LRRIQ1: variants seen among roughly 807,000 people sequenced by gnomAD.
LRRIQ1 encodes leucine rich repeats and IQ motif containing 1.
LRRIQ1 carries 210 observed loss-of-function variants against 211.9 expected under a neutral mutation model. That is an observed-to-expected ratio of 0.99 (90% CI 0.89 to 1.11). LRRIQ1 has a LOEUF of 1.11. Among genes scored for constraint, LRRIQ1 ranks in the 50% most tolerant of loss-of-function variants. The pLI is 0.00. For synonymous variants in LRRIQ1, 699 were observed against 650.1 expected (o/e 1.08, Z -1.14); for missense variants, 2,136 against 1,939.5 (o/e 1.10, Z -1.90).
At chr12:85,206,450 G>T (rs892915633) in intron 24 of LRRIQ1, among the ~76,000 whole-genome samples, 1 of 152,166 alleles carries the variant, frequency 6.6e-6, no homozygotes, top group Non-Finnish European at 1.5e-5. Context: ...GCAGCACAGT[G>T]GTGCAGTGGC....
chr12:85,155,421 T>A (rs1429592132), intron 23 of LRRIQ1, among the ~76,000 whole-genome samples: 1 of 151,598 alleles, frequency 6.6e-6, no homozygotes, highest in Non-Finnish European at 1.5e-5. Flanking sequence ...TTAACGATAG[T>A]GAGATTCTCT....
chr12:85,073,734 A>G (rs1413910143), intron 11 of LRRIQ1, among the ~76,000 whole-genome samples: 2 of 152,062 alleles, frequency 1.3e-5, no homozygotes, highest in Non-Finnish European at 2.9e-5. Flanking sequence ...GGGTACAATG[A>G]AAACACTGTA....
intron 10 of LRRIQ1, among the ~76,000 whole-genome samples, chr12:85,072,368 G>T (rs181069701): frequency 6.9e-4 from 105 of 151,996 alleles, no homozygotes; most frequent in Admixed American, 1.6e-3. Context: ...AATGTTTTAG[G>T]TGTACTTGAA....
chr12:85,120,287 G>A (rs1051958449), intron 15 of LRRIQ1, among the ~76,000 whole-genome samples: 6 of 152,154 alleles, frequency 3.9e-5, no homozygotes, highest in Non-Finnish European at 8.8e-5. Flanking sequence ...TTGTTGAAAA[G>A]ACCATCTTAG....
chr12:85,040,512 C>T lies in LRRIQ1; in HGVS notation c.155C>T (p.Ser52Leu). 1 of 1,552,212 alleles carries T rather than the reference C, an allele frequency of 6.4e-7. No individual in the cohort carries two copies. The highest frequency in any genetic ancestry group is 8.7e-7 in the Non-Finnish European group (1 of 1,148,076). ...TAGGATTCAGTTGAATTACCAGAATCAGTTCTTCACTGTATTAACATCATA... is the reference window on the plus strand; with the variant it reads ...TAGGATTCAGTTGAATTACCAGAATTAGTTCTTCACTGTATTAACATCATA... ...SDTDSVELPE[S>L]VLHCINIIKN... Residue 52 changes from serine (S) to leucine (L), a missense_variant, in exon 3 of 27, where the codon TCA becomes TTA. Physicochemically the swap from Ser to Leu is moderately radical, Grantham distance 145. Coordinates refer to ENST00000393217, the MANE Select transcript of LRRIQ1 (RefSeq NM_001079910.2).
In LRRIQ1 at chr12:85,153,869, G is replaced by T. The variant is rs1890388574; in HGVS notation, c.4637+111G>T. 4.3e-6 allele frequency: 4 copies of T among 937,690 alleles called. No individual in the cohort carries two copies. In the African/African-American group the frequency reaches 6.9e-5, roughly 16 times the overall value. The allele number at this position is 937,690 out of a possible 1,614,324, so 58.1% of individuals were successfully genotyped here. Reference sequence around the variant, plus strand: ...TACCTATATTAGTTTTTTATAAATTGTCCATCCAATTTAGTTTCTTAAATG... The same window carrying T: ...TACCTATATTAGTTTTTTATAAATTTTCCATCCAATTTAGTTTCTTAAATG... On this transcript the variant is annotated intron_variant, in intron 22 of 26. Transcript: ENST00000393217.
intron 24 of LRRIQ1, among the ~76,000 whole-genome samples, chr12:85,161,968 G>A (rs1047646543): frequency 4.6e-5 from 7 of 151,978 alleles, no homozygotes; most frequent in African/African-American, 1.7e-4. Context: ...GAACCCGGGA[G>A]GCAGAGCTTG....
At position 85,133,111 on chromosome 12, in the gene LRRIQ1, T is replaced by A. The variant is rs1270515391; in HGVS notation, c.4210-4739T>A. On this transcript the variant is annotated intron_variant, in intron 18 of 26. Transcript: ENST00000393217. The stretch of plus-strand genomic sequence containing the variant: ...AAAGCATCAAGGAAATTGGGGGAAA[T>A]ATATTTATTGAGTGCATATTAGGTG... Among the ~76,000 whole-genome samples the A allele has an allele frequency of 3.3e-5, 5 of 152,288 alleles. No homozygotes were observed. In the East Asian group the frequency reaches 9.7e-4, roughly 29 times the overall value.
the LRRIQ1 span, among the ~76,000 whole-genome samples, chr12:85,270,609 C>T: frequency 6.6e-6 from 1 of 152,042 alleles, no homozygotes; most frequent in Non-Finnish European, 1.5e-5. Flanking sequence ...TGCACAGCAC[C>T]ATTTGTTAAT....
At position 85,174,701 on chromosome 12, in the gene LRRIQ1, C is replaced by CAAAAAAAAAAAAAAA. The variant is rs71076115; in HGVS notation, c.4822+13995_4822+14009dup. Among the ~76,000 whole-genome samples, 150 of 21,592 alleles carry CAAAAAAAAAAAAAAA rather than the reference C, an allele frequency of 6.9e-3. 39 individuals are homozygous for CAAAAAAAAAAAAAAA. Among genetic ancestry groups the CAAAAAAAAAAAAAAA allele is most frequent in the African/African-American group, 0.039 (127 of 3,226 alleles). The allele number at this position is 21,592 out of a possible 152,430, so 14.2% of individuals were successfully genotyped here. ...TGGGTGACAGAGCAAGAGTACAGCT[C>CAAAAAAAAAAAAAAA]AAAAAAAAAAAAAAAAAAAAAATCT... On this transcript the variant is annotated intron_variant, in intron 24 of 26. Transcript: ENST00000393217.
In LRRIQ1 at chr12:85,127,890, C is replaced by G; in HGVS notation, c.4066C>G (p.His1356Asp). The change falls in exon 18 of 27, where the codon CAT becomes GAT. Residue 1356 changes from histidine to aspartate, a missense_variant. Coordinates refer to ENST00000393217, the MANE Select transcript of LRRIQ1 (RefSeq NM_001079910.2). ...TGGTTACCTCATGCGCAGACAGACT[C>G]ATTTCTCCACAAGGCTACATACTGC... ...WRGYLMRRQT[H>D]FSTRLHTAAT... 1 of 1,613,976 alleles carries G rather than the reference C, an allele frequency of 6.2e-7. No individual in the cohort carries two copies. Among genetic ancestry groups the G allele is most frequent in the South Asian group, 1.1e-5 (1 of 91,078 alleles).
At position 85,137,843 on chromosome 12, in the gene LRRIQ1, T is replaced by C; in HGVS notation, c.4210-7T>C. The C allele has an allele frequency of 1.3e-6, 2 of 1,580,768 alleles. No individual in the cohort carries two copies. Among genetic ancestry groups the C allele is most frequent in the East Asian group, 4.5e-5 (2 of 44,364 alleles). On this transcript the variant is annotated splice_region_variant and splice_polypyrimidine_tract_variant and intron_variant, in intron 18 of 26. Transcript: ENST00000393217. ...CTTTGTATAACATACTTTACATTTTTGTTTAGGCAGTTTGGAAGGGCTTTA... is the reference window on the plus strand; with the variant it reads ...CTTTGTATAACATACTTTACATTTTCGTTTAGGCAGTTTGGAAGGGCTTTA...
At chr12:85,080,345 A>G (rs1884148501) in intron 11 of LRRIQ1, among the ~76,000 whole-genome samples, 1 of 151,864 alleles carries the variant, frequency 6.6e-6, no homozygotes, top group Non-Finnish European at 1.5e-5. Flanking sequence ...AATTCCAAAT[A>G]CACATGTTTT....
intron 19 of LRRIQ1, among the ~76,000 whole-genome samples, chr12:85,139,440 A>G (rs1463694708): frequency 6.6e-6 from 1 of 151,474 alleles, no homozygotes; most frequent in Non-Finnish European, 1.5e-5. Flanking sequence ...TGGAAGTAAT[A>G]TCACTACGTG....
intron 11 of LRRIQ1, among the ~76,000 whole-genome samples, chr12:85,085,391 C>A (rs1385440072): frequency 6.6e-6 from 1 of 152,184 alleles, no homozygotes; most frequent in Non-Finnish European, 1.5e-5. Flanking sequence ...CCACTTGGGT[C>A]TCTCCCTCAG....
At chr12:85,178,891 G>A (rs1184160599) in intron 24 of LRRIQ1, among the ~76,000 whole-genome samples, 1 of 148,974 alleles carries the variant, frequency 6.7e-6, no homozygotes, top group Non-Finnish European at 1.5e-5. Context: ...ACAAAAATGA[G>A]TAGCACATAG....
intron 3 of LRRIQ1, among the ~76,000 whole-genome samples, chr12:85,042,130 TA>T (rs201366871): frequency 6.6e-6 from 1 of 151,382 alleles, no homozygotes; most frequent in African/African-American, 2.4e-5. Context: ...AGCCTAATTA[TA>T]AAAAAAATCA....
At chr12:85,272,088 A>G in the LRRIQ1 span, among the ~76,000 whole-genome samples, 1 of 152,198 alleles carries the variant, frequency 6.6e-6, no homozygotes, top group Non-Finnish European at 1.5e-5. Context: ...TATATCCTAT[A>G]TGGTTTGCCT....
chr12:85,161,110 T>G (rs1371477321), intron 24 of LRRIQ1, among the ~76,000 whole-genome samples: 1 of 152,116 alleles, frequency 6.6e-6, no homozygotes, highest in Non-Finnish European at 1.5e-5. Flanking sequence ...TATTAAGCCC[T>G]ATAAATTATA....
Sources: gnomAD v4.1 joint callset for allele counts (sites outside exome capture counted in the v4.1 genomes callset) on GRCh38, gnomAD v4.1.1 for gene constraint, MANE v1.5 for transcripts, NCBI Gene and HGNC (gene_info 2026-07-23, HGNC 2026-07-21) for gene names.